Variants in TRIM65 observed in about 807,000 individuals in gnomAD.
TRIM65 encodes the protein tripartite motif containing 65.
A neutral mutation model predicts 36.1 loss-of-function variants in TRIM65; 46 were observed. The ratio of observed to expected loss-of-function variants is 1.27; its 90% CI spans 1.01 to 1.63. The LOEUF (loss-of-function observed/expected upper bound fraction) is 1.63. Ranked by LOEUF, TRIM65 falls within the 40% of genes most tolerant of loss-of-function variation. The pLI is 0.00. For missense variants in TRIM65, 708 were observed against 696.6 expected, an observed-to-expected ratio of 1.02 and a Z score of -0.18; for synonymous variants, 346 against 313.6, an observed-to-expected ratio of 1.10 and a Z score of -1.09.
chr17:75,889,599 G>C lies in TRIM65; in HGVS notation c.*1180C>G, dbSNP rs138262770. ...TCCCACACCCAGGGGTGGGATGCTG[G>C]AGATGAAGGTCCTGCCAGTGTCACG... On this transcript the variant is annotated 3_prime_UTR_variant, in exon 6 of 6. Transcript: ENST00000269383. 6.6e-6 allele frequency: 1 copy of C among 152,184 alleles called. No individual in the cohort carries two copies. The highest frequency in any genetic ancestry group is 6.5e-5 in the Admixed American group (1 of 15,268). 9.4% of individuals were successfully genotyped at this position (152,184 alleles called of 1,614,324 possible).
intron 2 of TRIM65, 90 bp downstream of exon 2, chr17:75,892,665 C>G: frequency 7.4e-7 from 1 of 1,358,546 alleles, no homozygotes; most frequent in South Asian, 1.3e-5. Context: ...CAGCCCCGCT[C>G]CCTGCTGCCT....
intron 4 of TRIM65, among the ~76,000 whole-genome samples, chr17:75,882,231 G>A (rs959348863): frequency 3.3e-5 from 5 of 149,572 alleles, no homozygotes; most frequent in Middle Eastern, 3.2e-3. Context: ...TTTTTCAAAT[G>A]GAGTCTCGCT....
intron 5 of TRIM65, 133 bp from the exon 6 acceptor site, chr17:75,891,480 C>T: frequency 1.0e-6 from 1 of 967,976 alleles, no homozygotes; most frequent in Non-Finnish European, 1.5e-6. Flanking sequence ...TCGCCACGAC[C>T]TCGCAGGCGG....
Position 75,891,862 on chromosome 17 carries a change from C to T in TRIM65, c.936G>A (p.Leu312=). The change falls in exon 5 of 6, where the codon CTG becomes CTA. Residue 312 remains leucine (L), a synonymous_variant. Coordinates refer to ENST00000269383, the MANE Select transcript of TRIM65 (RefSeq NM_173547.4). ...GACAAACTGTGCTTGGGACCGGTGCCAGGGGACCTGGGGCCTCTAGGGGGC... is the reference window on the plus strand; with the variant it reads ...GACAAACTGTGCTTGGGACCGGTGCTAGGGGACCTGGGGCCTCTAGGGGGC... ...DLAPVEAPGP[L]APVPSTVCPL... is the part of the protein sequence containing the mutation. 6.2e-7 allele frequency: 1 copy of T among 1,612,682 alleles called. No individual in the cohort carries two copies. The highest frequency in any genetic ancestry group is 8.5e-7 in the Non-Finnish European group (1 of 1,179,324).
chr17:75,882,377 T>G (rs901554072), intron 4 of TRIM65, among the ~76,000 whole-genome samples: 4 of 150,342 alleles, frequency 2.7e-5, no homozygotes, highest in African/African-American at 1.0e-4. Flanking sequence ...TCGGCTAAAT[T>G]TTGTATTTTT....
At position 75,892,794 on chromosome 17, in the gene TRIM65, G is replaced by T; in HGVS notation, c.471C>A (p.Gly157=). 6.2e-7 allele frequency: 1 copy of T among 1,604,504 alleles called. No homozygotes were observed. ...VTQQQATQAE[G]QLLELRKQSS... is the part of the protein sequence containing the mutation. ...TTTGCTTGCGCAGCTCTAGTAGCTG[G>T]CCTTCGGCCTGGGTGGCCTGCTGCT... The change falls in exon 2 of 6, where the codon GGC becomes GGA. Residue 157 remains glycine, a synonymous_variant. Coordinates refer to ENST00000269383, the MANE Select transcript of TRIM65 (RefSeq NM_173547.4).
At chr17:75,884,577 C>T (rs921693451), downstream of TRIM65, among the ~76,000 whole-genome samples, 2 of 152,194 alleles carry the variant, frequency 1.3e-5, no homozygotes, top group African/African-American at 4.8e-5. Flanking sequence ...TAGCGTCTGC[C>T]TCCACATCTC....
At chr17:75,879,565 T>C (rs1159834408), downstream of TRIM65, 1 of 150,734 alleles carries the variant, frequency 6.6e-6, no homozygotes. Flanking sequence ...TTTTATTGTA[T>C]GAGTTATATC....
Position 75,889,906 on chromosome 17 carries a change from G to C in TRIM65, c.*873C>G, listed in dbSNP as rs2065243367. The C allele has an allele frequency of 6.6e-6, 1 of 152,144 alleles. No individual in the cohort carries two copies. Among genetic ancestry groups the C allele is most frequent in the Non-Finnish European group, 1.5e-5 (1 of 68,034 alleles). The allele number at this position is 152,144 out of a possible 1,614,324, so 9.4% of individuals were successfully genotyped here. A position where few individuals can be genotyped will look rare whatever the true frequency, so the allele number is the denominator to read the frequency against. On this transcript the variant is annotated 3_prime_UTR_variant, in exon 6 of 6. Coordinates refer to ENST00000269383, the MANE Select transcript of TRIM65 (RefSeq NM_173547.4). The stretch of plus-strand genomic sequence containing the variant: ...ACCGCACCCCTGCACACCAGCCTGG[G>C]TGACAGATGGAGATCCTGTCTCAAA...
In TRIM65 at chr17:75,882,987, A is replaced by C. The variant is rs76507280; in HGVS notation, c.350-2358T>G. On this transcript the variant is annotated intron_variant, in intron 4 of 4. Coordinates refer to the TRIM65 transcript ENST00000591668. ...ATTAAGACCCTGTCTCTGGAAAAAA[A>C]AAAAACAAAAACAAAAAGCAATCCG... 4.8e-3 allele frequency among the ~76,000 whole-genome samples: 713 copies of C among 149,444 alleles called. 42 individuals are homozygous for C. Among genetic ancestry groups the C allele is most frequent in the African/African-American group, 0.013 (495 of 39,172 alleles).
At position 75,892,423 on chromosome 17, in the gene TRIM65, C is replaced by T. The variant is rs200660733; in HGVS notation, c.588G>A (p.Thr196=). Residue 196 remains threonine, a synonymous_variant, in exon 3 of 6, where the codon ACG becomes ACA. Transcript: ENST00000269383. ...CCACCTCGATGCTCCTCAGTGCTGTCGTGTGCTGTATTTCCAGGGCCTGTA... is the reference window on the plus strand; with the variant it reads ...CCACCTCGATGCTCCTCAGTGCTGTTGTGTGCTGTATTTCCAGGGCCTGTA... ...SLLQALEIQH[T]TALRSIEVAK... The T allele has an allele frequency of 1.9e-5, 30 of 1,613,910 alleles. No individual in the cohort carries two copies. The highest frequency in any genetic ancestry group is 4.5e-5 in the East Asian group (2 of 44,886).
In TRIM65 at chr17:75,891,893, AGT is replaced by A; in HGVS notation, c.920-17_920-16del. 1 of 1,607,880 alleles carries A rather than the reference AGT, an allele frequency of 6.2e-7. No individual in the cohort carries two copies. Among genetic ancestry groups the A allele is most frequent in the Non-Finnish European group, 8.5e-7 (1 of 1,177,250 alleles). On this transcript the variant is annotated splice_polypyrimidine_tract_variant and intron_variant, in intron 4 of 5. Coordinates refer to ENST00000269383, the MANE Select transcript of TRIM65 (RefSeq NM_173547.4). ...ACCTGGGGCCTCTAGGGGGCAAAGCAGTGTTAAGGGAATGGTTGGAGAGGTCA... is the reference window on the plus strand; with the variant it reads ...ACCTGGGGCCTCTAGGGGGCAAAGCAGTTAAGGGAATGGTTGGAGAGGTCA...
At chr17:75,883,909 C>T (rs540514956) in intron 4 of TRIM65, among the ~76,000 whole-genome samples, 9 of 152,184 alleles carry the variant, frequency 5.9e-5, no homozygotes, top group East Asian at 1.9e-4. Flanking sequence ...AGGCCAGGTG[C>T]GGTGGCTCAT....
Position 75,896,879 on chromosome 17 carries a change from T to C in TRIM65, c.59A>G (p.Gln20Arg). The C allele has an allele frequency of 6.5e-7, 1 of 1,529,370 alleles. No individual in the cohort carries two copies. Among genetic ancestry groups the C allele is most frequent in the South Asian group, 1.2e-5 (1 of 82,598 alleles). The allele number at this position is 1,529,370 out of a possible 1,614,324, so 94.7% of individuals were successfully genotyped here. Residue 20 changes from glutamine (Q) to arginine (R), a missense_variant, in exon 1 of 6, where the codon CAG becomes CGG. Gln to Arg is a conservative substitution (Grantham distance 43, BLOSUM62 1). Coordinates refer to ENST00000269383, the MANE Select transcript of TRIM65 (RefSeq NM_173547.4). ...LTCAICLGLY[Q>R]DPVTLPCGHN... ...GCCGCAGGGCAGCGTCACTGGGTCC[T>C]GGTAGAGCCCCAGGCAGATGGCGCA...
At chr17:75,886,745 A>C (rs2065210670), downstream of TRIM65, among the ~76,000 whole-genome samples, 1 of 152,066 alleles carries the variant, frequency 6.6e-6, no homozygotes, top group Non-Finnish European at 1.5e-5. Flanking sequence ...ACTGAAGCCC[A>C]GAATCTGTAA....
chr17:75,887,823 C>T (rs1295231477), downstream of TRIM65, among the ~76,000 whole-genome samples: 1 of 152,036 alleles, frequency 6.6e-6, no homozygotes, highest in East Asian at 1.9e-4. Context: ...AGTTTGAGAC[C>T]AATCTGACCA....
intron 1 of TRIM65, among the ~76,000 whole-genome samples, chr17:75,895,456 C>T (rs961408544): frequency 3.9e-5 from 6 of 152,254 alleles, no homozygotes; most frequent in East Asian, 1.9e-4. Context: ...GGACCCTGCC[C>T]GATCCTGCCC....
rs758997183 is a variant in TRIM65, at chr17:75,892,277, G to T, written c.734C>A (p.Thr245Asn). 33 of 1,611,872 alleles carry T rather than the reference G, an allele frequency of 2.0e-5. No individual in the cohort carries two copies. The highest frequency in any genetic ancestry group is 1.5e-4 in the Admixed American group (9 of 59,864). Reference sequence around the variant, plus strand: ...CCTGAGCCCTCGCACCTGCAGGAAGGTCTGCTCATCCACCTGCTCCAGGAG... The same window carrying T: ...CCTGAGCCCTCGCACCTGCAGGAAGTTCTGCTCATCCACCTGCTCCAGGAG... ...RELLEQVDEQ[T>N]FLQESQLLQP... Residue 245 changes from threonine to asparagine, a missense_variant, in exon 3 of 6, where the codon ACC (threonine) becomes AAC (asparagine). Coordinates refer to ENST00000269383, the MANE Select transcript of TRIM65 (RefSeq NM_173547.4).
intron 4 of TRIM65, among the ~76,000 whole-genome samples, chr17:75,881,196 T>C (rs1355135764): frequency 7.3e-6 from 1 of 137,876 alleles, no homozygotes; most frequent in Non-Finnish European, 1.5e-5. Context: ...GTTGTGCCAC[T>C]GTACTCTCCA....
Sources: allele counts gnomAD v4.1 joint callset (sites outside exome capture counted in the v4.1 genomes callset), GRCh38; gene constraint gnomAD v4.1.1; transcripts MANE v1.5; gene names NCBI Gene and HGNC (gene_info 2026-07-23, HGNC 2026-07-21).